The following CENPP variants were observed in gnomAD, a reference collection of about 807,000 sequenced individuals.
CENPP encodes the protein centromere protein P.
In CENPP, 24 loss-of-function variants were observed where a neutral mutation model predicts 35.6. That is an observed-to-expected ratio of 0.67 (90% CI 0.49 to 0.95). The LOEUF (loss-of-function observed/expected upper bound fraction) is 0.95. Among genes scored for constraint, CENPP ranks in the 40% least tolerant of loss-of-function variants. The probability of loss-of-function intolerance (pLI) is 0.00; values close to 1 mark genes in which losing one functional copy is unlikely to be tolerated. For synonymous variants in CENPP, 120 were observed against 125.5 expected (o/e 0.96, Z 0.29); for missense variants, 332 against 345.3 (o/e 0.96, Z 0.31).
intron 4 of CENPP, among the ~76,000 whole-genome samples, chr9:92,368,792 GGTTTGGGAGACTGAGATGGGAGGATC>G (rs1841945098): frequency 6.6e-6 from 1 of 152,138 alleles, no homozygotes; most frequent in Non-Finnish European, 1.5e-5. Context: ...TAATCCTAAT[GGTTTGGGAGACTGAGATGGGAGGATC>G]GCTTGAGCCC....
At chr9:92,457,399 G>T in intron 5 of CENPP, 1 of 1,613,606 alleles carries the variant, frequency 6.2e-7, no homozygotes, top group Non-Finnish European at 8.5e-7. Context: ...TTATTGCACT[G>T]TATAAAGATT....
chr9:92,419,606 G>T (rs1843726385), intron 5 of CENPP, among the ~76,000 whole-genome samples: 2 of 152,122 alleles, frequency 1.3e-5, no homozygotes, highest in Non-Finnish European at 2.9e-5. Context: ...GCCTCCTTGT[G>T]TCATATCTTG....
chr9:92,515,114 G>A, intron 5 of CENPP: 1 of 1,613,828 alleles, frequency 6.2e-7, no homozygotes, highest in Non-Finnish European at 8.5e-7. Flanking sequence ...TGCTTATGAA[G>A]TAAATTGGTA....
intron 4 of CENPP, among the ~76,000 whole-genome samples, chr9:92,366,177 CA>C (rs79052877): frequency 0.018 from 920 of 52,074 alleles, 4 homozygotes; most frequent in African/African-American, 0.054. Flanking sequence ...GACTCCGTCT[CA>C]AAAAAAAAAA....
At chr9:92,447,744 A>G (rs531604400) in intron 5 of CENPP, among the ~76,000 whole-genome samples, 4 of 152,344 alleles carry the variant, frequency 2.6e-5, no homozygotes, top group African/African-American at 7.2e-5. Context: ...GTAGGGCAGG[A>G]CTTGGCACCT....
At chr9:92,411,141 T>G (rs1843434287) in intron 5 of CENPP, among the ~76,000 whole-genome samples, 1 of 151,884 alleles carries the variant, frequency 6.6e-6, no homozygotes, top group African/African-American at 2.4e-5. Flanking sequence ...CCCAGCTACT[T>G]TTTTGTATTT....
chr9:92,502,712 A>G, intron 5 of CENPP: 1 of 1,353,642 alleles, frequency 7.4e-7, no homozygotes, highest in Non-Finnish European at 1.0e-6. Flanking sequence ...GTTCAATTTC[A>G]TGGAGACTAA....
chr9:92,592,756 C>T (rs989886149), intron 5 of CENPP, among the ~76,000 whole-genome samples: 6 of 152,190 alleles, frequency 3.9e-5, no homozygotes, highest in African/African-American at 1.4e-4. Flanking sequence ...ATTTGCTCAC[C>T]TGTTTCAACA....
At chr9:92,525,203 A>C (rs1848315910) in intron 5 of CENPP, among the ~76,000 whole-genome samples, 1 of 152,152 alleles carries the variant, frequency 6.6e-6, no homozygotes, top group African/African-American at 2.4e-5. Flanking sequence ...CTGTAGTCCT[A>C]GCTACTCAGG....
chr9:92,493,752 C>G (rs978272943), intron 5 of CENPP: 3 of 169,824 alleles, frequency 1.8e-5, no homozygotes, highest in Non-Finnish European at 2.5e-5. Context: ...GAACAAGTTC[C>G]ATGCTAGCCA....
intron 3 of CENPP, among the ~76,000 whole-genome samples, chr9:92,338,957 C>A (rs1841019542): frequency 6.6e-6 from 1 of 152,126 alleles, no homozygotes; most frequent in Non-Finnish European, 1.5e-5. Context: ...ACCCCACTGG[C>A]CAGGGTGCAG....
At chr9:92,537,619 C>T (rs1414234943) in intron 5 of CENPP, among the ~76,000 whole-genome samples, 1 of 152,050 alleles carries the variant, frequency 6.6e-6, no homozygotes, top group Non-Finnish European at 1.5e-5. Flanking sequence ...AAGATTGTGC[C>T]ATTGCACTCC....
chr9:92,593,825 A>G lies in CENPP; in HGVS notation c.565-17489A>G, dbSNP rs748277167. ...GAGCCACTTATTAAAATAACCAAGC[A>G]TAATAGTTAAACTGGTAGCAGTAGA... On this transcript the variant is annotated intron_variant, in intron 5 of 7. Coordinates refer to ENST00000375587, the MANE Select transcript of CENPP (RefSeq NM_001012267.3). This position sits in a 1 kb window ranked among gnomAD's most constrained non-coding sequence, Gnocchi z 4.1. 6.6e-6 allele frequency among the ~76,000 whole-genome samples: 1 copy of G among 152,234 alleles called. No homozygotes were observed. The highest frequency in any genetic ancestry group is 3.2e-3 in the Middle Eastern group (1 of 316).
In CENPP at chr9:92,618,212, T is replaced by A. The variant is rs1409842904; in HGVS notation, c.*5063T>A. Reference sequence around the variant, plus strand: ...TCCTCTCCTTTTGTTGAGAAAGGCCTGGCTAGAGTGCTTTGTGCAGGATGG... The same window carrying A: ...TCCTCTCCTTTTGTTGAGAAAGGCCAGGCTAGAGTGCTTTGTGCAGGATGG... On this transcript the variant is annotated 3_prime_UTR_variant, in exon 8 of 8. Transcript: ENST00000375587. The A allele has an allele frequency of 4.4e-6, 2 of 456,592 alleles. No individual in the cohort carries two copies. The highest frequency in any genetic ancestry group is 3.1e-5 in the South Asian group (2 of 64,562). 28.3% of individuals were successfully genotyped at this position (456,592 alleles called of 1,614,324 possible). A position where few individuals can be genotyped will look rare whatever the true frequency, so the allele number is the denominator to read the frequency against.
intron 5 of CENPP, among the ~76,000 whole-genome samples, chr9:92,542,211 G>A (rs181526193): frequency 2.0e-5 from 3 of 152,304 alleles, no homozygotes; most frequent in Admixed American, 2.0e-4. Flanking sequence ...AAAGGGAGAT[G>A]TATTCTCAAG....
chr9:92,335,390 G>T (rs1250540238), intron 2 of CENPP, among the ~76,000 whole-genome samples: 1 of 152,086 alleles, frequency 6.6e-6, no homozygotes, highest in Non-Finnish European at 1.5e-5. Flanking sequence ...GGTTGCTGTA[G>T]ATTATTTCCA....
intron 5 of CENPP, among the ~76,000 whole-genome samples, chr9:92,460,206 C>T (rs750826912): frequency 1.3e-5 from 2 of 151,608 alleles, no homozygotes; most frequent in Admixed American, 6.6e-5. Flanking sequence ...GGCTAATTTT[C>T]GTATTTTTTA....
At position 92,391,094 on chromosome 9, in the gene CENPP, A is replaced by G. The variant is rs564279569; in HGVS notation, c.564+11235A>G. ...AGCCTGGCCAACACAGCGCAACCTCATCTCTATTAAAATTATAATAGGCCA... is the reference window on the plus strand; with the variant it reads ...AGCCTGGCCAACACAGCGCAACCTCGTCTCTATTAAAATTATAATAGGCCA... On this transcript the variant is annotated intron_variant, in intron 5 of 7. Transcript: ENST00000375587. Among the ~76,000 whole-genome samples the G allele has an allele frequency of 9.8e-4, 149 of 151,676 alleles. 1 individual carries two copies. The highest frequency in any genetic ancestry group is 3.1e-3 in the African/African-American group (128 of 41,304).
intron 5 of CENPP, among the ~76,000 whole-genome samples, chr9:92,418,688 C>T (rs2130963429): frequency 6.6e-6 from 1 of 152,250 alleles, no homozygotes; most frequent in East Asian, 1.9e-4. Context: ...TTTGCTGATA[C>T]CTTTTTCTGC....
Sources: gnomAD v4.1 joint callset for allele counts (sites outside exome capture counted in the v4.1 genomes callset) on GRCh38, gnomAD v4.1.1 for gene constraint, Gnocchi (gnomAD v3.1) non-coding constraint, MANE v1.5 for transcripts, NCBI Gene and HGNC (gene_info 2026-07-23, HGNC 2026-07-21) for gene names.